Variants in CNTN4 observed in about 807,000 individuals in gnomAD.
CNTN4 encodes the protein contactin-4.
Under a neutral mutation model 122.5 loss-of-function variants are expected in CNTN4, and 77 were observed. That is an observed-to-expected ratio of 0.63 (90% confidence interval 0.52 to 0.76). The LOEUF (loss-of-function observed/expected upper bound fraction) is 0.76. Ranked by LOEUF, CNTN4 falls within the 30% of genes least tolerant of loss-of-function variation. The probability of loss-of-function intolerance (pLI) is 0.00; values close to 1 mark genes in which losing one functional copy is unlikely to be tolerated. For synonymous variants in CNTN4, 512 were observed against 447.0 expected, an observed-to-expected ratio of 1.15 and a Z score of -1.83; for missense variants, 1,256 against 1,259.1, an observed-to-expected ratio of 1.00 and a Z score of 0.04.
intron 3 of CNTN4, among the ~76,000 whole-genome samples, chr3:2,418,346 T>C (rs942915159): frequency 6.6e-6 from 1 of 152,156 alleles, no homozygotes; most frequent in Non-Finnish European, 1.5e-5. Flanking sequence ...AGGCAAAATG[T>C]GAGATTAGAA....
chr3:2,721,033 C>T (rs1216111514), intron 4 of CNTN4, among the ~76,000 whole-genome samples: 2 of 152,104 alleles, frequency 1.3e-5, no homozygotes, highest in Non-Finnish European at 2.9e-5. Context: ...AGTGCAGTGG[C>T]ATGATCTCGG....
At chr3:2,834,490 C>T (rs961817838) in intron 7 of CNTN4, among the ~76,000 whole-genome samples, 2 of 151,928 alleles carry the variant, frequency 1.3e-5, no homozygotes, top group African/African-American at 4.8e-5. Flanking sequence ...TTGCTTGAAC[C>T]CAGCAGGCGA....
chr3:3,017,243 C>G (rs1285800910), intron 14 of CNTN4, among the ~76,000 whole-genome samples: 1 of 152,164 alleles, frequency 6.6e-6, no homozygotes, highest in Non-Finnish European at 1.5e-5. Flanking sequence ...ATTGAGAGAA[C>G]TAGCCTATGT....
chr3:2,683,840 A>G (rs1314380808), intron 4 of CNTN4, among the ~76,000 whole-genome samples: 1 of 152,122 alleles, frequency 6.6e-6, no homozygotes, highest in African/African-American at 2.4e-5. Context: ...CTGCCATAGA[A>G]TCACTTGTGT....
chr3:2,817,905 A>T (rs567018049), intron 6 of CNTN4, among the ~76,000 whole-genome samples: 99 of 152,354 alleles, frequency 6.5e-4, no homozygotes, highest in African/African-American at 2.3e-3. Context: ...GACCATTTCC[A>T]TAAAGACAAG....
chr3:2,811,027 GA>G (rs562525698), intron 6 of CNTN4, among the ~76,000 whole-genome samples: 2,806 of 136,978 alleles, frequency 0.02, 74 homozygotes, highest in African/African-American at 0.065. Flanking sequence ...AAAAAAAAAA[GA>G]AAAAAAAAAA....
chr3:2,569,687 G>A (rs938446278), intron 3 of CNTN4, among the ~76,000 whole-genome samples: 3 of 152,040 alleles, frequency 2.0e-5, no homozygotes, highest in African/African-American at 7.2e-5. Context: ...TAGGTGGAGT[G>A]GTCTACCTAG....
chr3:2,848,645 G>C (rs2093496016), intron 7 of CNTN4, among the ~76,000 whole-genome samples: 1 of 152,228 alleles, frequency 6.6e-6, no homozygotes, highest in South Asian at 2.1e-4. Context: ...AAATGATAGT[G>C]TTAGGATCTC....
chr3:2,360,330 G>A (rs1378636183), intron 3 of CNTN4, among the ~76,000 whole-genome samples: 1 of 151,986 alleles, frequency 6.6e-6, no homozygotes, highest in Admixed American at 6.6e-5. Flanking sequence ...GTTTAAAAAT[G>A]TTTCTGGAAT....
chr3:2,382,257 C>T (rs2046055330), intron 3 of CNTN4, among the ~76,000 whole-genome samples: 1 of 151,524 alleles, frequency 6.6e-6, no homozygotes, highest in South Asian at 2.1e-4. Context: ...GCAACCTCTG[C>T]CCCCCGGGTT....
chr3:2,289,761 A>G (rs778826795), intron 2 of CNTN4, among the ~76,000 whole-genome samples: 2 of 152,162 alleles, frequency 1.3e-5, no homozygotes, highest in East Asian at 1.9e-4. Flanking sequence ...TTGCAACTAT[A>G]TCTGGTTTTG....
chr3:2,951,032 C>T lies in CNTN4; in HGVS notation c.1358+25253C>T, dbSNP rs139170193. 3.1e-3 allele frequency among the ~76,000 whole-genome samples: 478 copies of T among 152,258 alleles called. 2 individuals carry two copies. Among genetic ancestry groups the T allele is most frequent in the Non-Finnish European group, 6.1e-3 (415 of 68,026 alleles). On this transcript the variant is annotated intron_variant, in intron 13 of 24. Transcript: ENST00000418658. ...TTACTTAATCTCTCGAAACCTAATTCCCCATCTGTTCAATGGTGATAATAA... is the reference window on the plus strand; with the variant it reads ...TTACTTAATCTCTCGAAACCTAATTTCCCATCTGTTCAATGGTGATAATAA...
chr3:2,828,487 T>C (rs901524116), intron 7 of CNTN4, among the ~76,000 whole-genome samples: 1 of 152,180 alleles, frequency 6.6e-6, no homozygotes, highest in African/African-American at 2.4e-5. Context: ...GGGAGTGGCA[T>C]TGAAATACTG....
intron 2 of CNTN4, among the ~76,000 whole-genome samples, chr3:2,232,049 C>T (rs1218628889): frequency 1.3e-5 from 2 of 152,056 alleles, no homozygotes; most frequent in African/African-American, 2.4e-5. Context: ...ATATAGTGCA[C>T]ACATGTACTT....
At chr3:2,724,035 A>G (rs939531457) in intron 4 of CNTN4, among the ~76,000 whole-genome samples, 3 of 152,186 alleles carry the variant, frequency 2.0e-5, no homozygotes, top group Non-Finnish European at 4.4e-5. Flanking sequence ...TCAGTAAATG[A>G]TGGTTATTAT....
chr3:2,632,984 T>A (rs1173588883), intron 4 of CNTN4, among the ~76,000 whole-genome samples: 2 of 148,680 alleles, frequency 1.3e-5, no homozygotes. Context: ...TTTGTATATA[T>A]AATTTATATA....
intron 14 of CNTN4, among the ~76,000 whole-genome samples, chr3:2,999,303 A>AC (rs1015667877): frequency 1.2e-4 from 18 of 152,340 alleles, no homozygotes; most frequent in African/African-American, 4.3e-4. Context: ...ACAAAACAAA[A>AC]AGAACAACTC....
intron 4 of CNTN4, among the ~76,000 whole-genome samples, chr3:2,594,942 T>C (rs1279121122): frequency 2.0e-5 from 3 of 151,960 alleles, no homozygotes; most frequent in Non-Finnish European, 4.4e-5. Flanking sequence ...TCAACCATAA[T>C]TGGAAAAGTC....
intron 7 of CNTN4, among the ~76,000 whole-genome samples, chr3:2,840,597 G>A (rs1255068799): frequency 2.1e-5 from 2 of 97,334 alleles, no homozygotes; most frequent in Non-Finnish European, 4.7e-5. Context: ...TACTCGGGAG[G>A]CTGAGGCGGG....
Sources: gnomAD v4.1 joint callset for allele counts (sites outside exome capture counted in the v4.1 genomes callset) on GRCh38, gnomAD v4.1.1 for gene constraint, MANE v1.5 for transcripts, NCBI Gene and HGNC (gene_info 2026-07-23, HGNC 2026-07-21) for gene names.